Variants in ARHGAP26 observed in about 807,000 individuals in gnomAD.
The protein encoded by ARHGAP26 is Rho GTPase activating protein 26, also known as rho GTPase-activating protein 26.
A neutral mutation model predicts 104.8 loss-of-function variants in ARHGAP26; 38 were observed. The observed-to-expected ratio is 0.36, with a 90% CI of 0.28 to 0.48. The LOEUF (loss-of-function observed/expected upper bound fraction) is 0.48, where lower values mean the gene tolerates loss of function less well. Among genes scored for constraint, ARHGAP26 ranks in the 20% least tolerant of loss-of-function variants. The pLI, the probability that ARHGAP26 is intolerant of heterozygous loss-of-function variation, is 0.99. For synonymous variants in ARHGAP26, 341 were observed against 340.0 expected, an observed-to-expected ratio of 1.00 and a Z score of -0.03; for missense variants, 704 against 947.9, an observed-to-expected ratio of 0.74 and a Z score of 3.38.
chr5:142,879,333 C>T (rs1203981942), intron 3 of ARHGAP26, 41 bp from the exon 4 acceptor site: 1 of 1,577,734 alleles, frequency 6.3e-7, no homozygotes, highest in East Asian at 2.2e-5. Context: ...ACTGATACTG[C>T]TTTTGTGTCT....
intron 12 of ARHGAP26, among the ~76,000 whole-genome samples, chr5:143,018,626 A>G (rs1361832018): frequency 6.6e-6 from 1 of 152,136 alleles, no homozygotes. Flanking sequence ...TTGTAGTGCC[A>G]GTGTTCTTGC....
At chr5:142,819,199 C>A (rs1424802736) in intron 1 of ARHGAP26, among the ~76,000 whole-genome samples, 1 of 152,166 alleles carries the variant, frequency 6.6e-6, no homozygotes, top group Non-Finnish European at 1.5e-5. Flanking sequence ...GAAAACATTC[C>A]TCAGTTTGCT....
chr5:142,931,927 T>G, intron 10 of ARHGAP26, 120 bp from the exon 11 acceptor site: 1 of 926,306 alleles, frequency 1.1e-6, no homozygotes. Context: ...GTTTTGCCCC[T>G]CTTTGTGTTG....
intron 1 of ARHGAP26, among the ~76,000 whole-genome samples, chr5:142,780,892 ATCTC>A (rs1312375381): frequency 6.6e-6 from 1 of 152,124 alleles, no homozygotes; most frequent in East Asian, 1.9e-4. Context: ...TTTGCATGAC[ATCTC>A]TCTCTGGCAG....
chr5:142,810,142 C>A (rs1763781615), intron 1 of ARHGAP26, among the ~76,000 whole-genome samples: 1 of 152,192 alleles, frequency 6.6e-6, no homozygotes, highest in Non-Finnish European at 1.5e-5. Flanking sequence ...CTGATGAATT[C>A]TTCTCAAAAT....
intron 1 of ARHGAP26, among the ~76,000 whole-genome samples, chr5:142,847,329 T>A (rs142693672): frequency 6.6e-6 from 1 of 152,176 alleles, no homozygotes; most frequent in Non-Finnish European, 1.5e-5. Flanking sequence ...TCAGCTTAGG[T>A]CACACAGCGA....
At chr5:142,956,456 A>C (rs1329535486) in intron 11 of ARHGAP26, among the ~76,000 whole-genome samples, 2 of 152,158 alleles carry the variant, frequency 1.3e-5, no homozygotes, top group East Asian at 3.9e-4. Flanking sequence ...CCATGCCTGT[A>C]GTCCCAGCTA....
At chr5:142,790,593 A>G (rs538503999) in intron 1 of ARHGAP26, among the ~76,000 whole-genome samples, 1 of 152,226 alleles carries the variant, frequency 6.6e-6, no homozygotes, top group East Asian at 1.9e-4. Context: ...ACACCTTACC[A>G]TGGTTCATGC....
intron 18 of ARHGAP26, among the ~76,000 whole-genome samples, chr5:143,126,137 C>T (rs1796702705): frequency 6.6e-6 from 1 of 152,150 alleles, no homozygotes; most frequent in African/African-American, 2.4e-5. Flanking sequence ...AGTGTTATGG[C>T]ATCACTGAGG....
chr5:142,962,495 G>A (rs186697657), intron 11 of ARHGAP26, among the ~76,000 whole-genome samples: 8 of 152,238 alleles, frequency 5.3e-5, no homozygotes, highest in African/African-American at 2.4e-5. Context: ...ATATGATAAC[G>A]GATACAGGGC....
chr5:143,014,751 G>T (rs1779359414), intron 12 of ARHGAP26, among the ~76,000 whole-genome samples: 1 of 152,154 alleles, frequency 6.6e-6, no homozygotes, highest in Non-Finnish European at 1.5e-5. Flanking sequence ...AAGGCAATGG[G>T]ATTAAAATGA....
At chr5:143,207,456 G>A (rs769273950) in intron 21 of ARHGAP26, 148 bp downstream of exon 21, 23 of 1,613,896 alleles carry the variant, frequency 1.4e-5, no homozygotes, top group South Asian at 3.3e-5. Context: ...CAGAAGAAGC[G>A]GTACATGAAG....
At chr5:143,124,008 C>A (rs187418) in intron 18 of ARHGAP26, among the ~76,000 whole-genome samples, 15,417 of 152,222 alleles carry the variant, frequency 0.1, 1,486 homozygotes, top group African/African-American at 0.24. Flanking sequence ...AGGGGTGACT[C>A]TTCTTCTGTC....
intron 18 of ARHGAP26, among the ~76,000 whole-genome samples, chr5:143,132,287 G>A (rs76679117): frequency 0.019 from 2,850 of 151,776 alleles, 108 homozygotes; most frequent in African/African-American, 0.064. Context: ...CCTACACATC[G>A]GCTTTTGAGT....
At chr5:143,163,955 G>T (rs542173592) in intron 20 of ARHGAP26, among the ~76,000 whole-genome samples, 1 of 151,858 alleles carries the variant, frequency 6.6e-6, no homozygotes, top group East Asian at 1.9e-4. Flanking sequence ...AGAATGAAAA[G>T]CTGCAATTTG....
At chr5:142,890,151 A>AAAAAAAAT (rs1252590997) in intron 5 of ARHGAP26, among the ~76,000 whole-genome samples, 10 of 32,426 alleles carry the variant, frequency 3.1e-4, no homozygotes, top group African/African-American at 1.2e-3. Context: ...AAAAAAAAAA[A>AAAAAAAAT]ATATATATAT....
chr5:142,799,075 A>ACATTAAAC (rs1761545602), intron 1 of ARHGAP26, among the ~76,000 whole-genome samples: 1 of 152,200 alleles, frequency 6.6e-6, no homozygotes, highest in Non-Finnish European at 1.5e-5. Flanking sequence ...TAAACCTAAC[A>ACATTAAAC]GACATCGCTA....
chr5:143,058,587 C>A (rs1220009131), intron 17 of ARHGAP26, among the ~76,000 whole-genome samples: 1 of 152,248 alleles, frequency 6.6e-6, no homozygotes, highest in East Asian at 1.9e-4. Flanking sequence ...TAACAGTTAA[C>A]CTAAATTATT....
intron 11 of ARHGAP26, among the ~76,000 whole-genome samples, chr5:142,996,539 T>C (rs1370684024): frequency 6.6e-6 from 1 of 152,084 alleles, no homozygotes; most frequent in African/African-American, 2.4e-5. Context: ...CATATGTGTG[T>C]ATGTGTTTCT....
Sources: gnomAD v4.1 joint callset for allele counts (sites outside exome capture counted in the v4.1 genomes callset) on GRCh38, gnomAD v4.1.1 for gene constraint, MANE v1.5 for transcripts, NCBI Gene and HGNC (gene_info 2026-07-23, HGNC 2026-07-21) for gene names.